ARHGEF7: variants seen among roughly 807,000 people sequenced by gnomAD.
ARHGEF7 encodes PAK-interacting exchange factor beta.
A neutral mutation model predicts 109.8 loss-of-function variants in ARHGEF7; 33 were observed. The ratio of observed to expected loss-of-function variants is 0.30; its 90% CI spans 0.23 to 0.40. The LOEUF is 0.40. ARHGEF7 is among the 10% of genes least tolerant of loss of function. The pLI is 1.00. For synonymous variants in ARHGEF7, 458 were observed against 424.6 expected (o/e 1.08, Z -0.97); for missense variants, 938 against 1,098.5 (o/e 0.85, Z 2.07).
chr13:111,251,784 A>G (rs1016929486), intron 8 of ARHGEF7, among the ~76,000 whole-genome samples: 2 of 151,942 alleles, frequency 1.3e-5, no homozygotes, highest in Admixed American at 1.3e-4. Flanking sequence ...TTTCACATAC[A>G]CTCATGCCTG....
chr13:111,260,431 G>A (rs1333520366), intron 8 of ARHGEF7, among the ~76,000 whole-genome samples: 3 of 152,248 alleles, frequency 2.0e-5, no homozygotes, highest in Non-Finnish European at 4.4e-5. Flanking sequence ...TCAGTGGAAA[G>A]CTTCCAGGCC....
intron 5 of ARHGEF7, among the ~76,000 whole-genome samples, chr13:111,221,467 ATC>A (rs2084189218): frequency 1.1e-5 from 1 of 92,248 alleles, no homozygotes; most frequent in Non-Finnish European, 2.1e-5. Context: ...ATATATAGAC[ATC>A]TATATATATA....
At chr13:111,213,162 C>G (rs1203927310) in intron 4 of ARHGEF7, among the ~76,000 whole-genome samples, 1 of 152,082 alleles carries the variant, frequency 6.6e-6, no homozygotes, top group Non-Finnish European at 1.5e-5. Flanking sequence ...ATAAAGTAAT[C>G]AGGTGATTAA....
intron 8 of ARHGEF7, among the ~76,000 whole-genome samples, chr13:111,245,795 T>G (rs551473240): frequency 6.6e-6 from 1 of 152,378 alleles, no homozygotes; most frequent in South Asian, 2.1e-4. Context: ...ATTTGCCTTT[T>G]GTCTAACATT....
At chr13:111,293,675 C>A in intron 19 of ARHGEF7, 4 of 985,424 alleles carry the variant, frequency 4.1e-6, no homozygotes, top group Non-Finnish European at 4.8e-6. Context: ...TTCATTGAAA[C>A]CAGCTTCAGA....
chr13:111,284,152 C>T (rs1232088832), intron 16 of ARHGEF7, among the ~76,000 whole-genome samples: 3 of 151,924 alleles, frequency 2.0e-5, no homozygotes, highest in African/African-American at 4.8e-5. Context: ...GGGTATCGTG[C>T]GCGTCAGTGT....
At chr13:111,179,078 G>T in intron 2 of ARHGEF7, among the ~76,000 whole-genome samples, 1 of 147,804 alleles carries the variant, frequency 6.8e-6, no homozygotes. Context: ...TCAAATGCCT[G>T]TTCTTTTTTT....
intron 2 of ARHGEF7, among the ~76,000 whole-genome samples, chr13:111,172,777 C>T (rs1361305485): frequency 1.3e-5 from 2 of 152,170 alleles, no homozygotes; most frequent in African/African-American, 4.8e-5. Flanking sequence ...GTGGGGCAGA[C>T]CTCTGTCACA....
intron 2 of ARHGEF7, among the ~76,000 whole-genome samples, chr13:111,192,952 C>T (rs747610372): frequency 9.9e-5 from 15 of 152,132 alleles, no homozygotes; most frequent in East Asian, 1.9e-4. Context: ...CAGTCCTCTC[C>T]GGGCTAGTGA....
In ARHGEF7 at chr13:111,301,520, A is replaced by G. The variant is rs1388500703; in HGVS notation, c.2454A>G (p.Gln818=). 20 of 1,611,700 alleles carry G rather than the reference A, an allele frequency of 1.2e-5. No homozygotes were observed. The highest frequency in any genetic ancestry group is 1.6e-5 in the Non-Finnish European group (19 of 1,178,052). ...DTVYALKDEV[Q]ELRQDNKKMK... is the part of the protein sequence containing the mutation. ...TATATGCATTAAAGGATGAAGTTCA[A>G]GAATTAAGACAGGTACGTCATAATC... The change falls in exon 21 of 22, where the codon CAA becomes CAG. Residue 818 remains glutamine, a synonymous_variant. Coordinates refer to ENST00000646102, the MANE Select transcript of ARHGEF7 (RefSeq NM_001354046.2).
intron 14 of ARHGEF7, 53 bp downstream of exon 14, chr13:111,280,403 G>C: frequency 6.3e-7 from 1 of 1,585,294 alleles, no homozygotes; most frequent in Non-Finnish European, 8.6e-7. Flanking sequence ...GAGGCAGCTT[G>C]TCCCCGCGTG....
intron 1 of ARHGEF7, 150 bp downstream of exon 1, chr13:111,115,841 G>C (rs1327379986): frequency 3.5e-6 from 1 of 286,684 alleles, no homozygotes; most frequent in Non-Finnish European, 5.4e-6. Flanking sequence ...CGCCAGGACC[G>C]TGGCGGGAGC....
In ARHGEF7 at chr13:111,172,397, G is replaced by C. The variant is rs72670035; in HGVS notation, c.252+18406G>C. ...TCTCTGTGGAAATGTGGTCCTGGAA[G>C]TATATATTCTCTTAATATCCCTGAA... On this transcript the variant is annotated intron_variant, in intron 2 of 21. Transcript: ENST00000646102. 8.8e-3 allele frequency among the ~76,000 whole-genome samples: 1,345 copies of C among 152,302 alleles called. 11 individuals are homozygous for C. The highest frequency in any genetic ancestry group is 0.014 in the Non-Finnish European group (940 of 68,030).
intron 1 of ARHGEF7, among the ~76,000 whole-genome samples, chr13:111,148,782 TC>T (rs1417355979): frequency 6.6e-6 from 1 of 152,238 alleles, no homozygotes; most frequent in African/African-American, 2.4e-5. Context: ...ATGTTGCTAC[TC>T]AGGGGTTTCC....
At chr13:111,234,903 GT>G (rs1445025880) in intron 6 of ARHGEF7, among the ~76,000 whole-genome samples, 2 of 152,082 alleles carry the variant, frequency 1.3e-5, no homozygotes, top group Admixed American at 6.5e-5. Context: ...CCCTTGGCCT[GT>G]TGGGCATTTA....
intron 2 of ARHGEF7, among the ~76,000 whole-genome samples, chr13:111,201,409 C>T (rs2081199568): frequency 6.6e-6 from 1 of 152,178 alleles, no homozygotes; most frequent in Non-Finnish European, 1.5e-5. Flanking sequence ...GTCCAGTAAA[C>T]ATACTCTATG....
At chr13:111,275,508 A>G (rs1356628155) in intron 11 of ARHGEF7, 24 bp from the exon 12 acceptor site, 2 of 1,612,748 alleles carry the variant, frequency 1.2e-6, no homozygotes, top group Non-Finnish European at 1.7e-6. Flanking sequence ...ATGTCTGTTA[A>G]CAGTGTTGTT....
chr13:111,238,791 G>A (rs2087231958), intron 6 of ARHGEF7, among the ~76,000 whole-genome samples: 1 of 152,168 alleles, frequency 6.6e-6, no homozygotes. Flanking sequence ...TTAAGTCGCT[G>A]ACTGGGAAGA....
At chr13:111,142,017 A>G (rs1434028205) in intron 1 of ARHGEF7, among the ~76,000 whole-genome samples, 1 of 152,194 alleles carries the variant, frequency 6.6e-6, no homozygotes, top group East Asian at 1.9e-4. Context: ...GATTTTGGCC[A>G]TTCTAATAGG....
Sources: gnomAD v4.1 joint callset for allele counts (sites outside exome capture counted in the v4.1 genomes callset) on GRCh38, gnomAD v4.1.1 for gene constraint, MANE v1.5 for transcripts, NCBI Gene and HGNC (gene_info 2026-07-23, HGNC 2026-07-21) for gene names.